SLC12A2: variants seen among roughly 807,000 people sequenced by gnomAD.
The protein encoded by SLC12A2 is Na-K-2Cl cotransporter 1.
Under a neutral mutation model 136.3 loss-of-function variants are expected in SLC12A2, and 67 were observed. The observed-to-expected ratio is 0.49, with a 90% CI of 0.40 to 0.60. SLC12A2 has a LOEUF of 0.60. SLC12A2 is among the 20% of genes least tolerant of loss of function. The probability of loss-of-function intolerance (pLI) is 0.00; values close to 1 mark genes in which losing one functional copy is unlikely to be tolerated. For missense variants in SLC12A2, 1,322 were observed against 1,534.7 expected (o/e 0.86, Z 2.32); for synonymous variants, 619 against 562.9 (o/e 1.10, Z -1.41).
chr5:128,186,480 C>G lies in SLC12A2; in HGVS notation c.3504-16C>G. On this transcript the variant is annotated splice_polypyrimidine_tract_variant and intron_variant, in intron 26 of 26. Coordinates refer to ENST00000262461, the MANE Select transcript of SLC12A2 (RefSeq NM_001046.3). Reference sequence around the variant, plus strand: ...CTCAGGGTTTTTTTTTTTTCTTTTTCTCTTTTTGATACCAGGAGTCTCCCA... The same window carrying G: ...CTCAGGGTTTTTTTTTTTTCTTTTTGTCTTTTTGATACCAGGAGTCTCCCA... 1 of 1,365,298 alleles carries G rather than the reference C, an allele frequency of 7.3e-7. No homozygotes were observed. Among genetic ancestry groups the G allele is most frequent in the Non-Finnish European group, 9.5e-7 (1 of 1,049,934 alleles). 84.6% of individuals were successfully genotyped at this position (1,365,298 alleles called of 1,614,324 possible). A position where few individuals can be genotyped will look rare whatever the true frequency, so the allele number is the denominator to read the frequency against.
chr5:128,116,719 G>A (rs1339397482), intron 4 of SLC12A2, among the ~76,000 whole-genome samples: 1 of 152,212 alleles, frequency 6.6e-6, no homozygotes, highest in East Asian at 1.9e-4. Flanking sequence ...CAGATACTAC[G>A]AAGCTTTCTT....
At chr5:128,136,828 G>A (rs1237525398) in intron 7 of SLC12A2, among the ~76,000 whole-genome samples, 1 of 151,956 alleles carries the variant, frequency 6.6e-6, no homozygotes, top group East Asian at 1.9e-4. Context: ...TGCTATTAAG[G>A]GACTGACATG....
rs1761068917 is a variant in SLC12A2, at chr5:128,109,560, T to C, written c.757-3254T>C. On this transcript the variant is annotated intron_variant, in intron 1 of 26. Coordinates refer to ENST00000262461, the MANE Select transcript of SLC12A2 (RefSeq NM_001046.3). ...CACTTGCTGGGTGGAGAAAGGCAGC[T>C]GAGTCCGGAGAAGAGCAAAATATGG... The C allele has an allele frequency of 4.3e-6, 3 of 695,888 alleles. No homozygotes were observed. In the South Asian group the frequency reaches 4.4e-5, roughly 10 times the overall value. The allele number at this position is 695,888 out of a possible 1,614,324, so 43.1% of individuals were successfully genotyped here. A position where few individuals can be genotyped will look rare whatever the true frequency, so the allele number is the denominator to read the frequency against.
chr5:128,181,174 ATACT>A (rs1388507193), intron 23 of SLC12A2, among the ~76,000 whole-genome samples, 180 bp downstream of exon 23: 1 of 152,204 alleles, frequency 6.6e-6, no homozygotes, highest in East Asian at 1.9e-4. Context: ...TAACTAGTAA[ATACT>A]TAATTTTACT....
In SLC12A2 at chr5:128,141,874, A is replaced by G. The variant is rs1291857080; in HGVS notation, c.1666A>G (p.Ile556Val). 5 of 1,613,968 alleles carry G rather than the reference A, an allele frequency of 3.1e-6. No homozygotes were observed. The highest frequency in any genetic ancestry group is 2.2e-5 in the East Asian group (1 of 44,842). Residue 556 changes from isoleucine to valine, a missense_variant, in exon 10 of 27, where the codon ATC (isoleucine) becomes GTC (valine). This residue lies in a region of SLC12A2 where 294 missense variants were observed against 436.6 expected (regional missense o/e 0.67). Coordinates refer to ENST00000262461, the MANE Select transcript of SLC12A2 (RefSeq NM_001046.3). ...TGCCACTGGAAACGTTAATGACACTATCGTAACAGAGCTAACAAACTGTAC... is the reference window on the plus strand; with the variant it reads ...TGCCACTGGAAACGTTAATGACACTGTCGTAACAGAGCTAACAAACTGTAC... ...RDATGNVNDTIVTELTNCTSA... is the reference protein window; with the variant it reads ...RDATGNVNDTVVTELTNCTSA...
chr5:128,171,709 A>C lies in SLC12A2; in HGVS notation c.2766A>C (p.Leu922=), dbSNP rs748694506. The C allele has an allele frequency of 1.8e-5, 28 of 1,590,244 alleles. No homozygotes were observed. Among genetic ancestry groups the C allele is most frequent in the Non-Finnish European group, 2.3e-5 (27 of 1,172,432 alleles). Residue 922 remains leucine (L), a synonymous_variant, in exon 19 of 27, where the codon CTA becomes CTC. Transcript: ENST00000262461. ...DIQYGVVVIR[L]KEGLDISHLQ... is the part of the protein sequence containing the mutation. The stretch of plus-strand genomic sequence containing the variant: ...AATATGGAGTAGTGGTTATTCGCCT[A>C]AAAGAAGGTCTGGATATATCTCATC...
At chr5:128,184,710 T>A in intron 25 of SLC12A2, 79 bp from the exon 26 acceptor site, 1 of 1,591,042 alleles carries the variant, frequency 6.3e-7, no homozygotes, top group Non-Finnish European at 8.5e-7. Context: ...AGTTTCTTTT[T>A]GTCTCCTTAT....
chr5:128,084,710 G>A lies in SLC12A2; in HGVS notation c.756G>A (p.Lys252=), dbSNP rs1476206785. 1 of 1,582,624 alleles carries A rather than the reference G, an allele frequency of 6.3e-7. No homozygotes were observed. The highest frequency in any genetic ancestry group is 8.6e-7 in the Non-Finnish European group (1 of 1,162,500). ...SLAELHDELE[K]EPFEDGFANG... is the part of the protein sequence containing the mutation. ...CGGAGCTCCACGACGAGCTGGAAAA[G>A]GTGAGCTCGCCCAGCCCTCCCTTCT... Residue 252 remains lysine, a splice_region_variant and synonymous_variant, in exon 1 of 27, where the codon AAG becomes AAA. Coordinates refer to ENST00000262461, the MANE Select transcript of SLC12A2 (RefSeq NM_001046.3). This position sits in a 1 kb window ranked among gnomAD's most constrained non-coding sequence, Gnocchi z 5.6.
rs1164843543 is a variant in SLC12A2 at position 128,174,748 on chromosome 5, T to G, written c.2929+82T>G. 4.5e-6 allele frequency: 5 copies of G among 1,119,404 alleles called. No homozygotes were observed. In the African/African-American group the frequency reaches 8.0e-5, roughly 18 times the overall value. The allele number at this position is 1,119,404 out of a possible 1,614,324, so 69.3% of individuals were successfully genotyped here. A position where few individuals can be genotyped will look rare whatever the true frequency, so the allele number is the denominator to read the frequency against. ...ATATTTTTAATTATATAATATGTCT[T>G]ATAAAAATAACCTGTTCTCAAACTT... On this transcript the variant is annotated intron_variant, in intron 20 of 26. Coordinates refer to ENST00000262461, the MANE Select transcript of SLC12A2 (RefSeq NM_001046.3).
chr5:128,127,037 A>T (rs1440382754), intron 4 of SLC12A2, among the ~76,000 whole-genome samples: 1 of 129,394 alleles, frequency 7.7e-6, no homozygotes, highest in Non-Finnish European at 1.6e-5. Flanking sequence ...CGGGTCAGAG[A>T]TATTATCGTT....
chr5:128,155,326 G>A (rs1762841917), intron 15 of SLC12A2, among the ~76,000 whole-genome samples: 1 of 151,996 alleles, frequency 6.6e-6, no homozygotes, highest in South Asian at 2.1e-4. Flanking sequence ...TTTAATTTTG[G>A]ACATTATCAA....
intron 22 of SLC12A2, among the ~76,000 whole-genome samples, chr5:128,180,061 C>T (rs1309993383): frequency 6.8e-6 from 1 of 146,726 alleles, no homozygotes. Context: ...GCTCCGCCTC[C>T]CGGGTTCACA....
chr5:128,104,895 A>G (rs1161038137), intron 1 of SLC12A2, among the ~76,000 whole-genome samples: 1 of 151,992 alleles, frequency 6.6e-6, no homozygotes, highest in Non-Finnish European at 1.5e-5. Context: ...TGTCGTTTTT[A>G]TGAGGACCAT....
intron 17 of SLC12A2, 94 bp downstream of exon 17, chr5:128,161,894 A>G: frequency 1.2e-6 from 1 of 858,808 alleles, no homozygotes; most frequent in Non-Finnish European, 1.6e-6. Context: ...TCATACTAAT[A>G]AAAATGGCAA....
intron 4 of SLC12A2, among the ~76,000 whole-genome samples, chr5:128,124,323 C>T (rs1021674456): frequency 6.6e-6 from 1 of 152,136 alleles, no homozygotes; most frequent in East Asian, 1.9e-4. Context: ...CACTAATTTC[C>T]CAGAGTTGTT....
At chr5:128,165,891 T>C (rs1423386252) in intron 17 of SLC12A2, among the ~76,000 whole-genome samples, 3 of 134,682 alleles carry the variant, frequency 2.2e-5, no homozygotes, top group Non-Finnish European at 4.8e-5. Context: ...GCTATCAACC[T>C]AAAGATATTC....
At position 128,167,766 on chromosome 5, in the gene SLC12A2, TG is replaced by T; in HGVS notation, c.2624del (p.Gly875ValfsTer5). 6.2e-7 allele frequency: 1 copy of T among 1,600,652 alleles called. No individual in the cohort carries two copies. Among genetic ancestry groups the T allele is most frequent in the Non-Finnish European group, 8.5e-7 (1 of 1,174,406 alleles). ...EGAQYLMQAA[G>X]LGRMKPNTLV... Reference sequence around the variant, plus strand: ...ATATTGACCCTATATTTTAGGCTGCTGGTCTTGGTCGTATGAAGCCAAACAC... The same window carrying T: ...ATATTGACCCTATATTTTAGGCTGCTGTCTTGGTCGTATGAAGCCAAACAC... On this transcript the variant is annotated frameshift_variant, in exon 18 of 27. Transcript: ENST00000262461. LOFTEE classifies it high-confidence loss of function.
chr5:128,175,766 T>G (rs1437295044), intron 20 of SLC12A2, among the ~76,000 whole-genome samples: 1 of 152,004 alleles, frequency 6.6e-6, no homozygotes. Flanking sequence ...TCTAAATGCC[T>G]TTAACTTACT....
At position 128,138,879 on chromosome 5, in the gene SLC12A2, T is replaced by C; in HGVS notation, c.1592T>C (p.Leu531Ser). The C allele has an allele frequency of 6.2e-7, 1 of 1,612,652 alleles. No individual in the cohort carries two copies. Among genetic ancestry groups the C allele is most frequent in the Non-Finnish European group, 8.5e-7 (1 of 1,178,978 alleles). ...GTLLAILITT[L>S]VYVGIAVSVG... Reference sequence around the variant, plus strand: ...CTCCTAGCCATTTTAATTACTACATTGGTTTACGTAGGAATTGCAGTATCT... The same window carrying C: ...CTCCTAGCCATTTTAATTACTACATCGGTTTACGTAGGAATTGCAGTATCT... Residue 531 changes from leucine to serine, a missense_variant, in exon 9 of 27, where the codon TTG (leucine) becomes TCG (serine). By Grantham distance (145) the Leu-to-Ser change is moderately radical. Coordinates refer to ENST00000262461, the MANE Select transcript of SLC12A2 (RefSeq NM_001046.3).
Sources: allele counts gnomAD v4.1 joint callset (sites outside exome capture counted in the v4.1 genomes callset), GRCh38; gene constraint gnomAD v4.1.1; regional missense constraint gnomAD v4.1.1; non-coding constraint Gnocchi (gnomAD v3.1); transcripts MANE v1.5; gene names NCBI Gene and HGNC (gene_info 2026-07-23, HGNC 2026-07-21).